Variants in DST observed in about 807,000 individuals in gnomAD.
The protein encoded by DST is dystonin.
A neutral mutation model predicts 875.2 loss-of-function variants in DST; 253 were observed. That is an observed-to-expected ratio of 0.29 (90% confidence interval 0.26 to 0.32). DST has a LOEUF of 0.32. Among genes scored for constraint, DST ranks in the 10% least tolerant of loss-of-function variants. DST has a pLI of 1.00. For synonymous variants in DST, 3,124 were observed against 3,197.1 expected (o/e 0.98, Z 0.77); for missense variants, 8,287 against 9,111.6 (o/e 0.91, Z 3.68).
At chr6:56,943,210 TGA>T (rs1817602463) in intron 2 of DST, among the ~76,000 whole-genome samples, 1 of 152,212 alleles carries the variant, frequency 6.6e-6, no homozygotes, top group Non-Finnish European at 1.5e-5. Context: ...GGCACTAATG[TGA>T]CTGTAAGTAA....
chr6:56,549,797 A>T (rs1314255597), intron 61 of DST, among the ~76,000 whole-genome samples: 1 of 152,208 alleles, frequency 6.6e-6, no homozygotes, highest in Non-Finnish European at 1.5e-5. Flanking sequence ...GGCTGTCTAA[A>T]TTAGGCTACA....
At chr6:56,764,820 G>A (rs1262363187) in intron 4 of DST, among the ~76,000 whole-genome samples, 1 of 152,082 alleles carries the variant, frequency 6.6e-6, no homozygotes. Context: ...AGCCGTGCAT[G>A]ATGGCAGATG....
intron 4 of DST, among the ~76,000 whole-genome samples, chr6:56,834,684 C>G (rs530245252): frequency 6.6e-6 from 1 of 152,070 alleles, no homozygotes; most frequent in African/African-American, 2.4e-5. Context: ...ATCTGAAAGG[C>G]TAAAATACAA....
At chr6:56,614,798 C>T in intron 36 of DST, 1 of 1,015,728 alleles carries the variant, frequency 9.8e-7, no homozygotes, top group Non-Finnish European at 1.2e-6. Flanking sequence ...TGAATTGCTG[C>T]CTTTGCATTA....
rs535436606 is a variant in DST at position 56,509,132 on chromosome 6, T to G, written c.19013-377A>C. Among the ~76,000 whole-genome samples, 4 of 152,324 alleles carry G rather than the reference T, an allele frequency of 2.6e-5. No homozygotes were observed. In the East Asian group the frequency reaches 7.7e-4, roughly 29 times the overall value. ...AATTGTCCGTTCAGTCCCAGGAATG[T>G]AACAATGTATGGTATGTACTTTGGG... On this transcript the variant is annotated intron_variant, in intron 74 of 103. Coordinates refer to ENST00000680361, the MANE Select transcript of DST (RefSeq NM_001374736.1).
At chr6:56,560,268 G>T in intron 58 of DST, 26 bp downstream of exon 58, 2 of 1,550,430 alleles carry the variant, frequency 1.3e-6, no homozygotes, top group African/African-American at 1.4e-5. Context: ...TTCTTCATAG[G>T]CATTCATCTA....
At chr6:56,716,875 C>T (rs1486104734) in intron 5 of DST, among the ~76,000 whole-genome samples, 4 of 152,010 alleles carry the variant, frequency 2.6e-5, no homozygotes, top group Non-Finnish European at 4.4e-5. Flanking sequence ...ATCAGGTGTT[C>T]GATTCTTATA....
chr6:56,838,647 A>C (rs1263920750), intron 4 of DST, among the ~76,000 whole-genome samples: 1 of 152,234 alleles, frequency 6.6e-6, no homozygotes, highest in African/African-American at 2.4e-5. Flanking sequence ...CTCTCTAAGA[A>C]CAAAAGAAAC....
intron 4 of DST, among the ~76,000 whole-genome samples, chr6:56,823,467 G>A (rs2099775589): frequency 6.6e-6 from 1 of 152,024 alleles, no homozygotes; most frequent in Admixed American, 6.6e-5. Flanking sequence ...CTGGAGTGCA[G>A]TGCCGCAATC....
At chr6:56,465,530 A>G (rs2152384424) in intron 99 of DST, among the ~76,000 whole-genome samples, 1 of 152,286 alleles carries the variant, frequency 6.6e-6, no homozygotes, top group African/African-American at 2.4e-5. Context: ...GGGCTGGAAG[A>G]TATGTAGAGA....
chr6:56,781,907 A>C (rs1336870238), intron 4 of DST, among the ~76,000 whole-genome samples: 1 of 152,104 alleles, frequency 6.6e-6, no homozygotes, highest in South Asian at 2.1e-4. Context: ...ATCAATACCT[A>C]ATTTATTGAC....
chr6:56,458,981 A>G lies in DST; in HGVS notation c.*24T>C. On this transcript the variant is annotated 3_prime_UTR_variant, in exon 104 of 104. Coordinates refer to ENST00000680361, the MANE Select transcript of DST (RefSeq NM_001374736.1). ...AACTTAAATAATAAATGCTCAAGGA[A>G]GGGCCTTGGTAGAACCAATTGCACT... 6.5e-7 allele frequency: 1 copy of G among 1,533,898 alleles called. No individual in the cohort carries two copies. The highest frequency in any genetic ancestry group is 2.0e-5 in the Admixed American group (1 of 50,560).
At chr6:56,820,631 G>A (rs541846798) in intron 4 of DST, among the ~76,000 whole-genome samples, 110 of 152,108 alleles carry the variant, frequency 7.2e-4, no homozygotes, top group African/African-American at 2.6e-3. Flanking sequence ...TTGGTCACCC[G>A]AAATCAGCCA....
intron 4 of DST, among the ~76,000 whole-genome samples, chr6:56,789,125 C>T (rs958578104): frequency 1.3e-5 from 2 of 152,008 alleles, no homozygotes; most frequent in African/African-American, 2.4e-5. Flanking sequence ...ATGGAGGATC[C>T]CTTGAGACTA....
At chr6:56,883,942 C>A (rs1000543124) in intron 3 of DST, among the ~76,000 whole-genome samples, 1 of 152,004 alleles carries the variant, frequency 6.6e-6, no homozygotes, top group African/African-American at 2.4e-5. Context: ...CAAGCCTGGG[C>A]AACAAAGCAA....
intron 72 of DST, 24 bp downstream of exon 72, chr6:56,515,426 T>TA (rs1382844049): frequency 6.2e-7 from 1 of 1,611,074 alleles, no homozygotes; most frequent in Admixed American, 1.7e-5. Context: ...GGGAATACAA[T>TA]ATTCTCTTTC....
At chr6:56,882,710 C>G (rs1350387295) in intron 3 of DST, among the ~76,000 whole-genome samples, 1 of 152,188 alleles carries the variant, frequency 6.6e-6, no homozygotes, top group East Asian at 1.9e-4. Context: ...TAGCCATCAT[C>G]AAAATTTCAT....
At chr6:56,880,203 A>C (rs1349859612) in intron 3 of DST, among the ~76,000 whole-genome samples, 1 of 152,208 alleles carries the variant, frequency 6.6e-6, no homozygotes, top group Non-Finnish European at 1.5e-5. Flanking sequence ...TCTTCAGAAA[A>C]ATAGTCTAGA....
intron 87 of DST, among the ~76,000 whole-genome samples, chr6:56,486,823 T>C (rs1220484316): frequency 6.6e-6 from 1 of 152,150 alleles, no homozygotes; most frequent in Non-Finnish European, 1.5e-5. Context: ...GTGATAAAAG[T>C]GGACATGGGA....
Sources: gnomAD v4.1 joint callset for allele counts (sites outside exome capture counted in the v4.1 genomes callset) on GRCh38, gnomAD v4.1.1 for gene constraint, MANE v1.5 for transcripts, NCBI Gene and HGNC (gene_info 2026-07-23, HGNC 2026-07-21) for gene names.